The following TMEM117 variants were observed in gnomAD, a reference collection of about 807,000 sequenced individuals.
TMEM117 encodes the protein transmembrane protein 117.
Under a neutral mutation model 52.4 loss-of-function variants are expected in TMEM117, and 27 were observed. The ratio of observed to expected loss-of-function variants is 0.51; its 90% CI spans 0.38 to 0.71. The LOEUF (loss-of-function observed/expected upper bound fraction) is 0.71. TMEM117 is among the 30% of genes least tolerant of loss of function. The probability of loss-of-function intolerance (pLI) is 0.00; values close to 1 mark genes in which losing one functional copy is unlikely to be tolerated. For missense variants in TMEM117, 556 were observed against 630.5 expected (o/e 0.88, Z 1.26); for synonymous variants, 215 against 206.3 (o/e 1.04, Z -0.36).
chr12:44,149,381 A>G (rs1434262122), intron 4 of TMEM117, among the ~76,000 whole-genome samples: 12 of 152,226 alleles, frequency 7.9e-5, no homozygotes. Flanking sequence ...AAGGGTCAAT[A>G]TTCATTTACA....
intron 3 of TMEM117, among the ~76,000 whole-genome samples, chr12:43,966,087 CT>C (rs1390959987): frequency 1.3e-5 from 2 of 152,148 alleles, no homozygotes; most frequent in African/African-American, 2.4e-5. Flanking sequence ...TGATCTCATT[CT>C]TTTTTATGGC....
chr12:43,994,824 G>A (rs1171090087), intron 3 of TMEM117, among the ~76,000 whole-genome samples: 1 of 152,156 alleles, frequency 6.6e-6, no homozygotes, highest in Non-Finnish European at 1.5e-5. Flanking sequence ...TGGGATGGGA[G>A]ATGAAGGAGG....
intron 5 of TMEM117, among the ~76,000 whole-genome samples, chr12:44,299,126 T>C (rs1286189838): frequency 6.8e-6 from 1 of 146,896 alleles, no homozygotes; most frequent in Non-Finnish European, 1.5e-5. Flanking sequence ...AGAAGGCATT[T>C]AATTTTTTTT....
At chr12:44,309,492 G>A (rs1950945660) in intron 6 of TMEM117, among the ~76,000 whole-genome samples, 1 of 152,098 alleles carries the variant, frequency 6.6e-6, no homozygotes, top group African/African-American at 2.4e-5. Flanking sequence ...TGAGGAACAA[G>A]CTACTAAGAT....
chr12:43,911,200 C>T, intron 2 of TMEM117, among the ~76,000 whole-genome samples: 1 of 42,006 alleles, frequency 2.4e-5, no homozygotes, highest in South Asian at 1.4e-3. Flanking sequence ...CGCATATCTA[C>T]AACTATCTGA....
intron 4 of TMEM117, among the ~76,000 whole-genome samples, chr12:44,152,518 TTA>T (rs1240731123): frequency 6.0e-4 from 71 of 118,088 alleles, no homozygotes; most frequent in African/African-American, 2.1e-3. Flanking sequence ...ATATATAAAT[TTA>T]TATATATATT....
chr12:44,225,537 C>A (rs1014176130), intron 5 of TMEM117, among the ~76,000 whole-genome samples: 3 of 152,078 alleles, frequency 2.0e-5, no homozygotes, highest in African/African-American at 7.2e-5. Context: ...CATATAGAAT[C>A]ATATAATCTG....
chr12:44,006,291 T>C (rs890844621), intron 3 of TMEM117, among the ~76,000 whole-genome samples: 5 of 152,216 alleles, frequency 3.3e-5, no homozygotes, highest in African/African-American at 1.2e-4. Flanking sequence ...AAGGGAGATA[T>C]GAAGTGCTTG....
At chr12:43,986,869 AC>A (rs1945856089) in intron 3 of TMEM117, among the ~76,000 whole-genome samples, 1 of 151,952 alleles carries the variant, frequency 6.6e-6, no homozygotes, top group Non-Finnish European at 1.5e-5. Context: ...CTGCTGTTTA[AC>A]CTACCAATTA....
intron 6 of TMEM117, among the ~76,000 whole-genome samples, chr12:44,312,215 G>A (rs536028536): frequency 3.3e-5 from 5 of 151,904 alleles, no homozygotes; most frequent in Non-Finnish European, 5.9e-5. Context: ...TAGGTAGTGA[G>A]CATAGTACCC....
At chr12:44,195,937 T>TA (rs1460237246) in intron 4 of TMEM117, among the ~76,000 whole-genome samples, 3 of 147,764 alleles carry the variant, frequency 2.0e-5, no homozygotes, top group African/African-American at 4.9e-5. Context: ...AATAAATAAA[T>TA]AACTGGGCAT....
intron 6 of TMEM117, among the ~76,000 whole-genome samples, chr12:44,339,559 G>C (rs903778231): frequency 1.3e-4 from 19 of 151,818 alleles, no homozygotes; most frequent in South Asian, 2.1e-4. Context: ...GAAAGGTAAT[G>C]GTTATAACAT....
At chr12:44,379,414 C>G (rs1220400634) in intron 7 of TMEM117, among the ~76,000 whole-genome samples, 2 of 152,110 alleles carry the variant, frequency 1.3e-5, no homozygotes, top group Non-Finnish European at 2.9e-5. Flanking sequence ...CCACCATAAA[C>G]AAATTAAATC....
At chr12:44,142,621 T>C (rs1471406257) in intron 3 of TMEM117, among the ~76,000 whole-genome samples, 1 of 152,120 alleles carries the variant, frequency 6.6e-6, no homozygotes, top group Non-Finnish European at 1.5e-5. Context: ...CTCTAAATTG[T>C]ACAGGTATTA....
chr12:44,342,768 A>T (rs1951434391), intron 6 of TMEM117, among the ~76,000 whole-genome samples: 2 of 152,102 alleles, frequency 1.3e-5, no homozygotes, highest in African/African-American at 2.4e-5. Flanking sequence ...AATAACTTTT[A>T]AAAAGACCAT....
intron 4 of TMEM117, among the ~76,000 whole-genome samples, chr12:44,189,579 A>G (rs75305412): frequency 1.3e-5 from 2 of 152,216 alleles, no homozygotes; most frequent in Non-Finnish European, 2.9e-5. Flanking sequence ...AAGAAAAAAT[A>G]AACTTTTGCC....
chr12:43,841,641 C>T (rs948579329), intron 1 of TMEM117, among the ~76,000 whole-genome samples: 2 of 152,128 alleles, frequency 1.3e-5, no homozygotes, highest in African/African-American at 4.8e-5. Context: ...ATGTGCTAGC[C>T]TCCAAAATGC....
intron 2 of TMEM117, among the ~76,000 whole-genome samples, chr12:43,875,996 G>A (rs1943788747): frequency 6.6e-6 from 1 of 152,120 alleles, no homozygotes; most frequent in Non-Finnish European, 1.5e-5. Flanking sequence ...AAACCTTGTT[G>A]GGATAGTTTT....
chr12:44,393,086 T>C (rs1375457503), downstream of TMEM117, among the ~76,000 whole-genome samples: 1 of 152,176 alleles, frequency 6.6e-6, no homozygotes, highest in Non-Finnish European at 1.5e-5. Context: ...GTATTACTAA[T>C]TTAATATGTA....
Sources: allele counts gnomAD v4.1 joint callset (sites outside exome capture counted in the v4.1 genomes callset), GRCh38; gene constraint gnomAD v4.1.1; transcripts MANE v1.5; gene names NCBI Gene and HGNC (gene_info 2026-07-23, HGNC 2026-07-21).